Variants in DEPDC1B observed in about 807,000 individuals in gnomAD.
The protein encoded by DEPDC1B is DEP domain-containing protein 1B.
Under a neutral mutation model 66.5 loss-of-function variants are expected in DEPDC1B, and 51 were observed. The ratio of observed to expected loss-of-function variants is 0.77; its 90% CI spans 0.61 to 0.97. DEPDC1B has a LOEUF of 0.97. Ranked by LOEUF, DEPDC1B falls within the 50% of genes least tolerant of loss-of-function variation. The pLI is 0.00. For missense variants in DEPDC1B, 552 were observed against 637.1 expected, an observed-to-expected ratio of 0.87 and a Z score of 1.44; for synonymous variants, 226 against 223.6, an observed-to-expected ratio of 1.01 and a Z score of -0.10.
At chr5:60,602,615 A>T (rs1162611953) in intron 9 of DEPDC1B, among the ~76,000 whole-genome samples, 3 of 152,068 alleles carry the variant, frequency 2.0e-5, no homozygotes, top group Non-Finnish European at 2.9e-5. Flanking sequence ...CGATAATAAT[A>T]TATTATATTT....
chr5:60,603,536 C>T lies in DEPDC1B; in HGVS notation c.1097G>A (p.Cys366Tyr). Residue 366 changes from cysteine (C) to tyrosine (Y), a missense_variant, in exon 9 of 11, where the codon TGT (cysteine) becomes TAT (tyrosine). Cys to Tyr is a radical substitution (Grantham distance 194, BLOSUM62 -2). Transcript: ENST00000265036. ...MVQTFSRCIL[C>Y]SKDEVDLDEL... ...ATCCAAGTCCACTTCATCCTTGGAA[C>T]ACAAGATGCAACGGGAAAATGTCTG... 6.2e-7 allele frequency: 1 copy of T among 1,606,114 alleles called. No homozygotes were observed. Among genetic ancestry groups the T allele is most frequent in the Non-Finnish European group, 8.5e-7 (1 of 1,177,758 alleles).
intron 7 of DEPDC1B, among the ~76,000 whole-genome samples, chr5:60,624,977 T>G (rs1752781262): frequency 6.6e-6 from 1 of 150,922 alleles, no homozygotes; most frequent in African/African-American, 2.4e-5. Context: ...CTGCCACTTA[T>G]GAGTGAGAAG....
intron 7 of DEPDC1B, among the ~76,000 whole-genome samples, chr5:60,637,957 A>C (rs1404654214): frequency 1.3e-5 from 2 of 152,242 alleles, no homozygotes; most frequent in African/African-American, 4.8e-5. Context: ...GAGGAGGAAG[A>C]GTAAGCAAGT....
chr5:60,643,919 C>A (rs961002435), intron 5 of DEPDC1B, among the ~76,000 whole-genome samples: 2 of 152,188 alleles, frequency 1.3e-5, no homozygotes, highest in African/African-American at 4.8e-5. Context: ...TCCCCTCTCA[C>A]CACTGCTCAG....
rs376409991 is a variant in DEPDC1B at position 60,641,439 on chromosome 5, C to T, written c.757+1373G>A. On this transcript the variant is annotated intron_variant, in intron 6 of 10. Coordinates refer to ENST00000265036, the MANE Select transcript of DEPDC1B (RefSeq NM_018369.3). Reference sequence around the variant, plus strand: ...TCTCGGGTTCATGCCATTCTCCTGCCTCAGCCTCCCAAGTAGCTGGGACTA... The same window carrying T: ...TCTCGGGTTCATGCCATTCTCCTGCTTCAGCCTCCCAAGTAGCTGGGACTA... Among the ~76,000 whole-genome samples the T allele has an allele frequency of 3.6e-4, 54 of 151,204 alleles. No homozygotes were observed. The South Asian group carries it at 0.011, about 32-fold the overall frequency.
At chr5:60,679,654 A>G (rs969583967) in intron 2 of DEPDC1B, among the ~76,000 whole-genome samples, 1 of 152,182 alleles carries the variant, frequency 6.6e-6, no homozygotes, top group Non-Finnish European at 1.5e-5. Context: ...GTGAATTTCT[A>G]CCTGTAAGCC....
chr5:60,677,875 T>G (rs145440101), intron 2 of DEPDC1B, among the ~76,000 whole-genome samples: 1 of 152,232 alleles, frequency 6.6e-6, no homozygotes, highest in African/African-American at 2.4e-5. Context: ...ACTAACAAGT[T>G]TTGTGCTTTC....
At chr5:60,639,559 C>T (rs1753140019) in intron 6 of DEPDC1B, among the ~76,000 whole-genome samples, 1 of 152,172 alleles carries the variant, frequency 6.6e-6, no homozygotes, top group South Asian at 2.1e-4. Context: ...AAAGTTGAAG[C>T]AACCACTGAA....
At chr5:60,665,909 G>A (rs1753826627) in intron 2 of DEPDC1B, among the ~76,000 whole-genome samples, 3 of 152,188 alleles carry the variant, frequency 2.0e-5, no homozygotes. Flanking sequence ...TAGAGCACAG[G>A]GGGAGGGACA....
intron 1 of DEPDC1B, among the ~76,000 whole-genome samples, chr5:60,687,548 A>C (rs1419458796): frequency 6.6e-6 from 1 of 150,660 alleles, no homozygotes; most frequent in Non-Finnish European, 1.5e-5. Flanking sequence ...TTTTTTTGAG[A>C]TAGAGTCTAG....
At chr5:60,688,674 C>A (rs1315465117) in intron 1 of DEPDC1B, among the ~76,000 whole-genome samples, 2 of 152,186 alleles carry the variant, frequency 1.3e-5, no homozygotes, top group African/African-American at 4.8e-5. Flanking sequence ...AGAATGGAGT[C>A]TCCATTGGCC....
Position 60,668,160 on chromosome 5 carries a change from TATATATATATAAAATGGATA to T in DEPDC1B, c.314+18782_314+18801del, listed in dbSNP as rs1753936507. Among the ~76,000 whole-genome samples the T allele has an allele frequency of 4.5e-4, 5 of 11,094 alleles. 1 individual carries two copies. The highest frequency in any genetic ancestry group is 3.9e-3 in the Admixed American group (3 of 764). The allele number at this position is 11,094 out of a possible 152,430, so 7.3% of individuals were successfully genotyped here. On this transcript the variant is annotated intron_variant, in intron 2 of 10. Coordinates refer to ENST00000265036, the MANE Select transcript of DEPDC1B (RefSeq NM_018369.3). ...TTTTATATATATATAAAATGGATAT[TATATATATATAAAATGGATA>T]TTTTATATATATATAAAATGGATAT...
At chr5:60,619,222 C>T (rs1752642573) in intron 7 of DEPDC1B, among the ~76,000 whole-genome samples, 1 of 152,186 alleles carries the variant, frequency 6.6e-6, no homozygotes, top group Non-Finnish European at 1.5e-5. Context: ...CCTTTGAAAA[C>T]TGGCACAAGA....
chr5:60,642,725 T>C lies in DEPDC1B; in HGVS notation c.757+87A>G, dbSNP rs563485175. The C allele has an allele frequency of 7.5e-5, 69 of 921,294 alleles. 1 individual carries two copies. The African/African-American group carries it at 1.1e-3, about 15-fold the overall frequency. 57.1% of individuals were successfully genotyped at this position (921,294 alleles called of 1,614,324 possible). ...GCCAGTCTCACAGGTGTCACATCAA[T>C]GTTCAGGCCATTGAGCAGAAATTTT... is the stretch of plus-strand genomic sequence containing the variant. On this transcript the variant is annotated intron_variant, in intron 6 of 10. Transcript: ENST00000265036.
intron 3 of DEPDC1B, among the ~76,000 whole-genome samples, chr5:60,646,808 G>A (rs1429938522): frequency 1.3e-5 from 2 of 152,006 alleles, no homozygotes; most frequent in African/African-American, 2.4e-5. Flanking sequence ...CTGTCAGATC[G>A]GCCGCATTAG....
intron 1 of DEPDC1B, among the ~76,000 whole-genome samples, chr5:60,690,967 A>G (rs1754529980): frequency 1.3e-5 from 2 of 152,246 alleles, no homozygotes; most frequent in Admixed American, 6.5e-5. Flanking sequence ...GGGTTTGTGT[A>G]TGCATGTACC....
At chr5:60,679,387 G>C (rs1161807264) in intron 2 of DEPDC1B, among the ~76,000 whole-genome samples, 3 of 152,032 alleles carry the variant, frequency 2.0e-5, no homozygotes, top group Admixed American at 2.0e-4. Context: ...AATAAATCTG[G>C]CGATAGCTAC....
At chr5:60,659,328 C>T (rs762091529) in intron 2 of DEPDC1B, among the ~76,000 whole-genome samples, 1 of 152,140 alleles carries the variant, frequency 6.6e-6, no homozygotes, top group Non-Finnish European at 1.5e-5. Context: ...TGAGTAATAT[C>T]GGACCACTTT....
chr5:60,660,270 G>A (rs1025958627), intron 2 of DEPDC1B, among the ~76,000 whole-genome samples: 1 of 148,624 alleles, frequency 6.7e-6, no homozygotes, highest in Non-Finnish European at 1.5e-5. Context: ...GAGAGACAGA[G>A]AGAGAGACAG....
Sources: allele counts gnomAD v4.1 joint callset (sites outside exome capture counted in the v4.1 genomes callset), GRCh38; gene constraint gnomAD v4.1.1; transcripts MANE v1.5; gene names NCBI Gene and HGNC (gene_info 2026-07-23, HGNC 2026-07-21).